GRIN2B: variants seen among roughly 807,000 people sequenced by gnomAD.
GRIN2B encodes glutamate receptor ionotropic, NMDA 2B.
Under a neutral mutation model 114.5 loss-of-function variants are expected in GRIN2B, and 5 were observed. That is an observed-to-expected ratio of 0.04 (90% CI 0.02 to 0.09). GRIN2B has a LOEUF of 0.09. GRIN2B is among the 10% of genes least tolerant of loss of function. GRIN2B has a pLI of 1.00. For missense variants in GRIN2B, 1,108 were observed against 1,943.5 expected (o/e 0.57, Z 8.08); for synonymous variants, 787 against 745.1 (o/e 1.06, Z -0.92).
At chr12:13,856,858 C>G (rs1480844177) in intron 3 of GRIN2B, among the ~76,000 whole-genome samples, 1 of 152,130 alleles carries the variant, frequency 6.6e-6, no homozygotes, top group Non-Finnish European at 1.5e-5. Context: ...ATGTCCAGCC[C>G]AAATCATTCA....
intron 5 of GRIN2B, among the ~76,000 whole-genome samples, chr12:13,623,978 G>A (rs191214032): frequency 2.6e-5 from 4 of 152,204 alleles, no homozygotes; most frequent in African/African-American, 9.6e-5. Context: ...CCTGCCTGCA[G>A]GTCTGTCCCC....
chr12:13,856,543 G>A (rs1238105218), intron 3 of GRIN2B, among the ~76,000 whole-genome samples: 1 of 152,156 alleles, frequency 6.6e-6, no homozygotes, highest in East Asian at 1.9e-4. Flanking sequence ...GTTACTGTCG[G>A]AGGGGAAGGG....
chr12:13,904,710 T>C (rs1866510391), intron 2 of GRIN2B, among the ~76,000 whole-genome samples: 1 of 152,126 alleles, frequency 6.6e-6, no homozygotes, highest in South Asian at 2.1e-4. Flanking sequence ...CTAAAAGACA[T>C]TTTCACTGGT....
intron 3 of GRIN2B, among the ~76,000 whole-genome samples, chr12:13,801,806 G>A (rs964297421): frequency 1.3e-5 from 2 of 152,102 alleles, no homozygotes; most frequent in Non-Finnish European, 2.9e-5. Flanking sequence ...TTTACTCACT[G>A]TCTTACATGT....
chr12:13,704,945 C>G (rs183711644), intron 4 of GRIN2B, among the ~76,000 whole-genome samples: 1 of 152,114 alleles, frequency 6.6e-6, no homozygotes, highest in African/African-American at 2.4e-5. Flanking sequence ...AATATTAATG[C>G]CCCATGACTG....
At chr12:13,804,677 C>T (rs1864571957) in intron 3 of GRIN2B, among the ~76,000 whole-genome samples, 1 of 152,142 alleles carries the variant, frequency 6.6e-6, no homozygotes, top group South Asian at 2.1e-4. Flanking sequence ...TTAGTTTTTA[C>T]AGTTCCTGCC....
At chr12:13,788,162 A>T (rs189126554) in intron 3 of GRIN2B, among the ~76,000 whole-genome samples, 1 of 152,198 alleles carries the variant, frequency 6.6e-6, no homozygotes, top group East Asian at 1.9e-4. Context: ...TAAATATATA[A>T]TTTTTCTCCC....
Position 13,637,062 on chromosome 12 carries a change from A to G in GRIN2B, c.1126-20405T>C, listed in dbSNP as rs116477707. Among the ~76,000 whole-genome samples the G allele has an allele frequency of 1.9e-3, 283 of 152,296 alleles. 3 individuals carry two copies. Among genetic ancestry groups the G allele is most frequent in the African/African-American group, 6.5e-3 (271 of 41,574 alleles). ...TCCTATCATATATCTCAGTAGAAAT[A>G]TTAATGAGTAGGTGGGCATAAGAGT... On this transcript the variant is annotated intron_variant, in intron 5 of 13. Coordinates refer to ENST00000609686, the MANE Select transcript of GRIN2B (RefSeq NM_000834.5).
chr12:13,922,663 G>T (rs1866843329), intron 2 of GRIN2B, among the ~76,000 whole-genome samples: 1 of 152,194 alleles, frequency 6.6e-6, no homozygotes, highest in Non-Finnish European at 1.5e-5. Flanking sequence ...CTTAGTTAAT[G>T]ATCTGGAAAA....
chr12:13,576,773 T>C (rs2193148), intron 10 of GRIN2B, among the ~76,000 whole-genome samples: 56,735 of 152,126 alleles, frequency 0.37, 12,153 homozygotes, highest in Middle Eastern at 0.54. Flanking sequence ...GGCTGGTTTC[T>C]AATTCCTGGC....
chr12:13,703,726 T>C (rs185185622), intron 4 of GRIN2B, among the ~76,000 whole-genome samples: 72 of 152,304 alleles, frequency 4.7e-4, no homozygotes, highest in Admixed American at 4.7e-3. Flanking sequence ...ACCACCCTCA[T>C]AGGCATATCT....
At chr12:13,832,844 A>T (rs1865177027) in intron 3 of GRIN2B, among the ~76,000 whole-genome samples, 1 of 152,144 alleles carries the variant, frequency 6.6e-6, no homozygotes, top group Non-Finnish European at 1.5e-5. Flanking sequence ...ACATATTTTG[A>T]GGCTTTTATT....
intron 3 of GRIN2B, among the ~76,000 whole-genome samples, chr12:13,760,336 T>C (rs908043086): frequency 3.3e-5 from 5 of 152,202 alleles, no homozygotes; most frequent in Admixed American, 3.3e-4. Flanking sequence ...TTGAATTTTT[T>C]AAATGGGGTC....
chr12:13,925,732 C>G (rs1866901018), intron 2 of GRIN2B, among the ~76,000 whole-genome samples: 1 of 152,114 alleles, frequency 6.6e-6, no homozygotes, highest in Non-Finnish European at 1.5e-5. Context: ...AAAATTCAAG[C>G]ATTTCAAAGC....
chr12:13,769,007 T>C (rs772841803), intron 3 of GRIN2B, among the ~76,000 whole-genome samples: 3 of 152,106 alleles, frequency 2.0e-5, no homozygotes, highest in Non-Finnish European at 2.9e-5. Flanking sequence ...GCACTCCAGC[T>C]TGGGCAACAG....
chr12:13,605,551 T>TCTCTCTCTCTCTCTCTCTCTCTCA, intron 10 of GRIN2B, among the ~76,000 whole-genome samples: 1 of 30,504 alleles, frequency 3.3e-5, no homozygotes, highest in South Asian at 1.3e-3. Flanking sequence ...TCTCTCTCTC[T>TCTCTCTCTCTCTCTCTCTCTCTCA]GACACACACA....
Position 13,538,303 on chromosome 12 carries a change from T to A in GRIN2B, c.*24480A>T, listed in dbSNP as rs1948236106. ...GGCACAAGGGCATGTAGGACACAGG[T>A]GCTCTGAGCTAATCCATTTAAGAGA... is the stretch of plus-strand genomic sequence containing the variant. On this transcript the variant is annotated 3_prime_UTR_variant, in exon 14 of 14. Coordinates refer to ENST00000609686, the MANE Select transcript of GRIN2B (RefSeq NM_000834.5). 1 of 152,206 alleles carries A rather than the reference T, an allele frequency of 6.6e-6. No individual in the cohort carries two copies. Among genetic ancestry groups the A allele is most frequent in the South Asian group, 2.1e-4 (1 of 4,828 alleles). The allele number at this position is 152,206 out of a possible 1,614,324, so 9.4% of individuals were successfully genotyped here.
rs559120982 is a variant in GRIN2B at position 13,771,361 on chromosome 12, A to G, written c.412-17446T>C. 2.0e-5 allele frequency among the ~76,000 whole-genome samples: 3 copies of G among 152,348 alleles called. No homozygotes were observed. In the South Asian group the frequency reaches 6.2e-4, roughly 32 times the overall value. ...ACAGCATGAGATTAGACAATACAGT[A>G]AAAAACTAAAATTTAGACTTTCGTT... is the stretch of plus-strand genomic sequence containing the variant. On this transcript the variant is annotated intron_variant, in intron 3 of 13. Transcript: ENST00000609686.
intron 2 of GRIN2B, among the ~76,000 whole-genome samples, chr12:13,896,064 A>G (rs1331267624): frequency 2.0e-5 from 3 of 152,230 alleles, no homozygotes; most frequent in Admixed American, 6.5e-5. Context: ...TATTTTCTAC[A>G]TATACTAACT....
Sources: gnomAD v4.1 joint callset for allele counts (sites outside exome capture counted in the v4.1 genomes callset) on GRCh38, gnomAD v4.1.1 for gene constraint, MANE v1.5 for transcripts, NCBI Gene and HGNC (gene_info 2026-07-23, HGNC 2026-07-21) for gene names.